The following ERBB4 variants were observed in gnomAD, a reference collection of about 807,000 sequenced individuals.
ERBB4 encodes the protein erb-b2 receptor tyrosine kinase 4, also known as receptor tyrosine-protein kinase erbB-4.
ERBB4 carries 42 observed loss-of-function variants against 158.0 expected under a neutral mutation model. The observed-to-expected ratio is 0.27, with a 90% CI of 0.21 to 0.34. ERBB4 has a LOEUF of 0.34. Ranked by LOEUF, ERBB4 falls within the 10% of genes least tolerant of loss-of-function variation. The pLI is 1.00. For synonymous variants in ERBB4, 583 were observed against 558.7 expected, an observed-to-expected ratio of 1.04 and a Z score of -0.61; for missense variants, 1,333 against 1,624.1, an observed-to-expected ratio of 0.82 and a Z score of 3.08.
Position 211,947,538 on chromosome 2 carries a change from T to C in ERBB4, c.313A>G (p.Ile105Val), listed in dbSNP as rs1009365374. 1 of 1,613,756 alleles carries C rather than the reference T, an allele frequency of 6.2e-7. No individual in the cohort carries two copies. Among genetic ancestry groups the C allele is most frequent in the Admixed American group, 1.7e-5 (1 of 59,958 alleles). Residue 105 changes from isoleucine (I) to valine (V), a missense_variant, in exon 3 of 28, where the codon ATT (isoleucine) becomes GTT (valine). Physicochemically the swap from Ile to Val is conservative, Grantham distance 29. Coordinates refer to ENST00000342788, the MANE Select transcript of ERBB4 (RefSeq NM_005235.3). ...TCCTCATAAAGTTTTGTCCCACGAA[T>C]AATGCGTAAATTCTCCAGAGGCAGG... ...RYLPLENLRI[I>V]RGTKLYEDRY...
chr2:211,930,658 T>C (rs1185537677), intron 3 of ERBB4, among the ~76,000 whole-genome samples: 1 of 152,154 alleles, frequency 6.6e-6, no homozygotes, highest in Admixed American at 6.6e-5. Flanking sequence ...GCCTACCCTT[T>C]CTTTAGAAGT....
At chr2:212,008,377 A>C (rs2125299628) in intron 2 of ERBB4, among the ~76,000 whole-genome samples, 1 of 152,170 alleles carries the variant, frequency 6.6e-6, no homozygotes, top group Non-Finnish European at 1.5e-5. Context: ...CAAATGTCAA[A>C]ATGACAGAAA....
intron 4 of ERBB4, among the ~76,000 whole-genome samples, chr2:211,786,281 T>A (rs1416248600): frequency 6.6e-6 from 1 of 152,102 alleles, no homozygotes; most frequent in Non-Finnish European, 1.5e-5. Context: ...GACAGAGAAA[T>A]AAATTGACTA....
intron 15 of ERBB4, among the ~76,000 whole-genome samples, chr2:211,659,260 GCAGA>G (rs1460516936): frequency 2.0e-5 from 3 of 151,818 alleles, no homozygotes; most frequent in Non-Finnish European, 2.9e-5. Context: ...TTGGAGTAGC[GCAGA>G]CAAATTTTAA....
At chr2:211,711,910 C>G in intron 9 of ERBB4, 140 bp downstream of exon 9, 1 of 708,490 alleles carries the variant, frequency 1.4e-6, no homozygotes. Flanking sequence ...TGAAATCAGG[C>G]CCCTGCTTTT....
intron 25 of ERBB4, among the ~76,000 whole-genome samples, chr2:211,395,466 C>T (rs999841804): frequency 6.6e-6 from 1 of 151,964 alleles, no homozygotes; most frequent in East Asian, 1.9e-4. Context: ...TAATAAGCAT[C>T]CTTTAGAGGT....
intron 3 of ERBB4, among the ~76,000 whole-genome samples, chr2:211,920,711 CTTT>C (rs59291331): frequency 6.3e-5 from 9 of 141,772 alleles, no homozygotes; most frequent in Admixed American, 1.4e-4. Context: ...AGAGCTGTGA[CTTT>C]TTTTTTTTTT....
chr2:211,382,349 A>G lies in ERBB4; in HGVS notation c.*1266T>C, dbSNP rs2062587374. ...GAAGATAATGTGCTGGCCTCTCATC[A>G]TAGTCCCTGGATACCGTTGCAAGGT... On this transcript the variant is annotated 3_prime_UTR_variant, in exon 28 of 28. Coordinates refer to ENST00000342788, the MANE Select transcript of ERBB4 (RefSeq NM_005235.3). 4.3e-6 allele frequency: 1 copy of G among 232,454 alleles called. No individual in the cohort carries two copies. Among genetic ancestry groups the G allele is most frequent in the Non-Finnish European group, 8.5e-6 (1 of 117,576 alleles). The allele number at this position is 232,454 out of a possible 1,614,324, so 14.4% of individuals were successfully genotyped here.
chr2:212,337,102 C>CT (rs1017638316), intron 1 of ERBB4, among the ~76,000 whole-genome samples: 1 of 151,936 alleles, frequency 6.6e-6, no homozygotes, highest in Non-Finnish European at 1.5e-5. Context: ...CATTTATTAT[C>CT]TTTTTTTTCC....
At chr2:212,148,927 AC>A (rs2125623431) in intron 1 of ERBB4, among the ~76,000 whole-genome samples, 1 of 140,610 alleles carries the variant, frequency 7.1e-6, no homozygotes, top group Non-Finnish European at 1.5e-5. Context: ...AAAAAACCAA[AC>A]ACCGCATATT....
chr2:211,696,112 A>C (rs2073014688), intron 12 of ERBB4, among the ~76,000 whole-genome samples: 1 of 124,174 alleles, frequency 8.1e-6, no homozygotes, highest in Non-Finnish European at 1.6e-5. Flanking sequence ...CTTTCTCTTT[A>C]TCTCTTTCTT....
At chr2:212,022,677 C>T (rs570893110) in intron 2 of ERBB4, among the ~76,000 whole-genome samples, 2 of 152,052 alleles carry the variant, frequency 1.3e-5, no homozygotes, top group South Asian at 2.1e-4. Context: ...ACGTGTACCC[C>T]AGAACTTAAA....
At chr2:212,078,894 ATAT>A (rs1204792545) in intron 2 of ERBB4, among the ~76,000 whole-genome samples, 1 of 151,146 alleles carries the variant, frequency 6.6e-6, no homozygotes, top group African/African-American at 2.4e-5. Context: ...ATTAATGCTA[ATAT>A]TATTAGTCTT....
At chr2:212,055,163 C>T (rs1167694138) in intron 2 of ERBB4, among the ~76,000 whole-genome samples, 1 of 152,202 alleles carries the variant, frequency 6.6e-6, no homozygotes, top group Non-Finnish European at 1.5e-5. Context: ...CCGCACCTGG[C>T]TCGGAGGGTC....
At chr2:211,541,538 A>T (rs892127030) in intron 20 of ERBB4, among the ~76,000 whole-genome samples, 1 of 152,048 alleles carries the variant, frequency 6.6e-6, no homozygotes, top group South Asian at 2.1e-4. Context: ...GCAATGGTTA[A>T]ATGACTACCA....
intron 1 of ERBB4, among the ~76,000 whole-genome samples, chr2:212,245,906 A>C (rs2084290642): frequency 6.6e-6 from 1 of 152,266 alleles, no homozygotes; most frequent in South Asian, 2.1e-4. Flanking sequence ...TTCAGGGATA[A>C]TGTATTTTAA....
At chr2:212,085,322 G>C (rs1358504759) in intron 2 of ERBB4, among the ~76,000 whole-genome samples, 1 of 151,838 alleles carries the variant, frequency 6.6e-6, no homozygotes, top group Non-Finnish European at 1.5e-5. Context: ...ATTTACTCAA[G>C]TATTCCTACA....
intron 20 of ERBB4, among the ~76,000 whole-genome samples, chr2:211,518,920 T>A (rs559173287): frequency 6.6e-6 from 1 of 152,292 alleles, no homozygotes; most frequent in Admixed American, 6.5e-5. Context: ...TAATTTACAC[T>A]TGAATTTCCA....
intron 1 of ERBB4, among the ~76,000 whole-genome samples, chr2:212,398,842 C>T (rs1283618704): frequency 2.6e-5 from 4 of 152,010 alleles, no homozygotes; most frequent in African/African-American, 9.7e-5. Flanking sequence ...GCTTAAAAGA[C>T]CAAAGCAGAT....
Sources: allele counts gnomAD v4.1 joint callset (sites outside exome capture counted in the v4.1 genomes callset), GRCh38; gene constraint gnomAD v4.1.1; transcripts MANE v1.5; gene names NCBI Gene and HGNC (gene_info 2026-07-23, HGNC 2026-07-21).